The following MYO10 variants were observed in gnomAD, a reference collection of about 807,000 sequenced individuals.
MYO10 encodes unconventional myosin-X.
Under a neutral mutation model 257.3 loss-of-function variants are expected in MYO10, and 133 were observed. The ratio of observed to expected loss-of-function variants is 0.52; its 90% confidence interval spans 0.45 to 0.60. MYO10 has a LOEUF of 0.60. Among genes scored for constraint, MYO10 ranks in the 20% least tolerant of loss-of-function variants. The pLI, the probability that MYO10 is intolerant of heterozygous loss-of-function variation, is 0.00. For synonymous variants in MYO10, 1,104 were observed against 1,028.6 expected (o/e 1.07, Z -1.40); for missense variants, 2,399 against 2,635.7 (o/e 0.91, Z 1.97).
In MYO10 at chr5:16,813,987, G is replaced by A. The variant is rs117728882; in HGVS notation, c.279+4022C>T. Among the ~76,000 whole-genome samples, 7 of 152,304 alleles carry A rather than the reference G, an allele frequency of 4.6e-5. No homozygotes were observed. In the East Asian group the frequency reaches 1.2e-3, roughly 25 times the overall value. On this transcript the variant is annotated intron_variant, in intron 3 of 40. Transcript: ENST00000513610. Reference sequence around the variant, plus strand: ...AGTCAGCAAGAAAACAAGGACCTCAGTCCTCCAACTGCAAGTAACTGAATT... The same window carrying A: ...AGTCAGCAAGAAAACAAGGACCTCAATCCTCCAACTGCAAGTAACTGAATT...
intron 1 of MYO10, among the ~76,000 whole-genome samples, chr5:16,914,817 A>G (rs1745770611): frequency 6.6e-6 from 1 of 152,258 alleles, no homozygotes. Flanking sequence ...TTGTAAGAGA[A>G]GAAATGAACA....
rs538274139 is a variant in MYO10, at chr5:16,738,082, C to G, written c.1929+16746G>C. On this transcript the variant is annotated intron_variant, in intron 19 of 40. Transcript: ENST00000513610. ...TACAAAATTAAGGGAGATGATGAGG[C>G]CAAAGCTTAGAGGAGGGTTTTGAGG... The G allele has an allele frequency of 9.3e-6, 9 of 965,128 alleles. No individual in the cohort carries two copies. In the African/African-American group the frequency reaches 1.2e-4, roughly 13 times the overall value. 59.8% of individuals were successfully genotyped at this position (965,128 alleles called of 1,614,324 possible). A position where few individuals can be genotyped will look rare whatever the true frequency, so the allele number is the denominator to read the frequency against.
intron 2 of MYO10, among the ~76,000 whole-genome samples, chr5:16,865,880 A>G (rs1418805799): frequency 6.6e-6 from 1 of 151,934 alleles, no homozygotes; most frequent in Non-Finnish European, 1.5e-5. Flanking sequence ...ACAGGCTCGG[A>G]GTTTTTGTTT....
chr5:16,722,383 CACTT>C (rs1056163351), intron 19 of MYO10, among the ~76,000 whole-genome samples: 5 of 152,228 alleles, frequency 3.3e-5, no homozygotes, highest in Admixed American at 1.3e-4. Flanking sequence ...GATACACTCT[CACTT>C]ACGCTGGTAT....
chr5:16,905,193 C>A (rs1387927054), intron 1 of MYO10, among the ~76,000 whole-genome samples: 2 of 152,228 alleles, frequency 1.3e-5, no homozygotes, highest in African/African-American at 2.4e-5. Context: ...AGCTACCCAG[C>A]ACACAGGTGG....
chr5:16,875,338 C>T (rs889293834), intron 2 of MYO10, among the ~76,000 whole-genome samples: 86 of 152,084 alleles, frequency 5.7e-4, no homozygotes, highest in African/African-American at 2.1e-3. Context: ...AGAAGACAGG[C>T]GGAGTGACAG....
At chr5:16,918,868 G>A (rs764642934) in intron 1 of MYO10, among the ~76,000 whole-genome samples, 12 of 152,280 alleles carry the variant, frequency 7.9e-5, no homozygotes, top group Non-Finnish European at 1.6e-4. Context: ...CACTCGGGAT[G>A]AGTGTGCAGT....
chr5:16,799,117 C>G (rs932353632), intron 3 of MYO10, among the ~76,000 whole-genome samples: 1 of 150,416 alleles, frequency 6.6e-6, no homozygotes, highest in Non-Finnish European at 1.5e-5. Context: ...ATTAAAACTT[C>G]TTACACAGCT....
intron 2 of MYO10, among the ~76,000 whole-genome samples, chr5:16,843,294 A>G (rs1393015407): frequency 1.3e-5 from 2 of 152,194 alleles, no homozygotes; most frequent in Non-Finnish European, 1.5e-5. Flanking sequence ...TGCAACTTGC[A>G]TGTGTATGCA....
chr5:16,701,167 G>C lies in MYO10; in HGVS notation c.3228C>G (p.Pro1076=), dbSNP rs776233024. ...SSSGESTYCM[P]QNAGDLPSPD... ...GGGAGGGCAAGTCCCCAGCGTTCTGGGGCATGCAGTAGGTGGACTCGCCGC... is the reference window on the plus strand; with the variant it reads ...GGGAGGGCAAGTCCCCAGCGTTCTGCGGCATGCAGTAGGTGGACTCGCCGC... Residue 1076 remains proline, a synonymous_variant, in exon 25 of 41, where the codon CCC becomes CCG. Coordinates refer to ENST00000513610, the MANE Select transcript of MYO10 (RefSeq NM_012334.3). The surrounding 1 kb of genome is among the most constrained non-coding windows in gnomAD (Gnocchi z 8.1). 1.9e-6 allele frequency: 3 copies of C among 1,606,300 alleles called. No individual in the cohort carries two copies. In the Admixed American group the frequency reaches 5.1e-5, roughly 27 times the overall value.
chr5:16,898,137 C>A (rs1049870953), intron 1 of MYO10, among the ~76,000 whole-genome samples: 2 of 152,094 alleles, frequency 1.3e-5, no homozygotes, highest in Non-Finnish European at 2.9e-5. Context: ...ACAAGCAGCT[C>A]ACAGGGCCCC....
At chr5:16,927,599 C>T (rs575688763) in intron 1 of MYO10, among the ~76,000 whole-genome samples, 32 of 152,334 alleles carry the variant, frequency 2.1e-4, no homozygotes, top group South Asian at 1.9e-3. Flanking sequence ...GCTGAGATTA[C>T]AGGCTTGAGC....
In MYO10 at chr5:16,676,058, G is replaced by C; in HGVS notation, c.4639C>G (p.Leu1547Val). 6.2e-7 allele frequency: 1 copy of C among 1,611,106 alleles called. No homozygotes were observed. Among genetic ancestry groups the C allele is most frequent in the Non-Finnish European group, 8.5e-7 (1 of 1,179,004 alleles). Residue 1547 changes from leucine (L) to valine (V), a missense_variant, in exon 34 of 41, where the codon CTT (leucine) becomes GTT (valine). Coordinates refer to ENST00000513610, the MANE Select transcript of MYO10 (RefSeq NM_012334.3). The stretch of plus-strand genomic sequence containing the variant: ...TTGAGATTTATGTCCCCATACGGAA[G>C]GGGCAGGAGCGGGGAGTGCAAGGGG... ...HHPLHSPLLP[L>V]PYGDINLNLL...
Position 16,884,866 on chromosome 5 carries a change from A to G in MYO10, c.22-7159T>C, listed in dbSNP as rs141211037. Among the ~76,000 whole-genome samples, 101 of 152,246 alleles carry G rather than the reference A, an allele frequency of 6.6e-4. 1 individual carries two copies. The highest frequency in any genetic ancestry group is 1.5e-3 in the South Asian group (7 of 4,814). On this transcript the variant is annotated intron_variant, in intron 1 of 40. Coordinates refer to ENST00000513610, the MANE Select transcript of MYO10 (RefSeq NM_012334.3). ...GGGGACTGCAGGATCATTCTAGTTG[A>G]GAATCACTATTCTAGAGTAATACAG...
chr5:16,866,863 TGCCTCCCTGCTG>T (rs1333362838), intron 2 of MYO10, among the ~76,000 whole-genome samples: 1 of 152,082 alleles, frequency 6.6e-6, no homozygotes, highest in African/African-American at 2.4e-5. Flanking sequence ...ACGCATTTAC[TGCCTCCCTGCTG>T]GTCTCCACCC....
chr5:16,842,787 C>T (rs1362083942), intron 2 of MYO10, among the ~76,000 whole-genome samples: 1 of 151,768 alleles, frequency 6.6e-6, no homozygotes, highest in African/African-American at 2.4e-5. Context: ...CCCAGCTAGT[C>T]GGGAGGCTGA....
chr5:16,731,801 G>A (rs2126616879), intron 19 of MYO10, among the ~76,000 whole-genome samples: 1 of 152,226 alleles, frequency 6.6e-6, no homozygotes, highest in East Asian at 1.9e-4. Flanking sequence ...GGGATAGGGC[G>A]GCTCCCCATC....
intron 17 of MYO10, among the ~76,000 whole-genome samples, chr5:16,760,086 A>G (rs1420033131): frequency 6.6e-6 from 1 of 152,062 alleles, no homozygotes; most frequent in Non-Finnish European, 1.5e-5. Context: ...ACCAGATCCA[A>G]CACAGGTGCT....
chr5:16,702,351 A>C (rs1265908495), intron 24 of MYO10, among the ~76,000 whole-genome samples, 192 bp downstream of exon 24: 1 of 152,252 alleles, frequency 6.6e-6, no homozygotes. Flanking sequence ...TGTGATGCAC[A>C]CTAAAACCTC....
Sources: gnomAD v4.1 joint callset for allele counts (sites outside exome capture counted in the v4.1 genomes callset) on GRCh38, gnomAD v4.1.1 for gene constraint, Gnocchi (gnomAD v3.1) non-coding constraint, MANE v1.5 for transcripts, NCBI Gene and HGNC (gene_info 2026-07-23, HGNC 2026-07-21) for gene names.